The following MAF variants were observed in gnomAD, a reference collection of about 807,000 sequenced individuals.
MAF encodes transcription factor Maf.
MAF carries 10 observed loss-of-function variants against 22.0 expected under a neutral mutation model. The observed-to-expected ratio is 0.45, with a 90% confidence interval of 0.28 to 0.77. MAF has a LOEUF of 0.77. MAF is among the 30% of genes least tolerant of loss of function. MAF has a pLI of 0.12. For synonymous variants in MAF, 337 were observed against 255.8 expected, an observed-to-expected ratio of 1.32 and a Z score of -3.03; for missense variants, 544 against 548.4, an observed-to-expected ratio of 0.99 and a Z score of 0.08.
At chr16:79,361,180 T>C in the MAF span, among the ~76,000 whole-genome samples, 1 of 152,186 alleles carries the variant, frequency 6.6e-6, no homozygotes, top group African/African-American at 2.4e-5. Flanking sequence ...ACTTTTCTGG[T>C]GGAGTTGACA....
chr16:79,267,568 C>A, the MAF span, among the ~76,000 whole-genome samples: 1 of 152,158 alleles, frequency 6.6e-6, no homozygotes, highest in African/African-American at 2.4e-5. Flanking sequence ...TGGCTCACGG[C>A]CAATCAGCTG....
the MAF span, among the ~76,000 whole-genome samples, chr16:79,311,276 C>G: frequency 2.0e-5 from 3 of 152,068 alleles, no homozygotes; most frequent in Non-Finnish European, 4.4e-5. Context: ...TCTTTCCCCT[C>G]TAAACCAGCT....
the MAF span, among the ~76,000 whole-genome samples, chr16:79,283,230 A>G: frequency 1.3e-5 from 2 of 152,208 alleles, no homozygotes; most frequent in African/African-American, 2.4e-5. Context: ...TTTGTGTAAG[A>G]TAATAATTTT....
the MAF span, among the ~76,000 whole-genome samples, chr16:79,419,249 G>T: frequency 6.6e-6 from 1 of 152,146 alleles, no homozygotes; most frequent in African/African-American, 2.4e-5. Context: ...TCCCATAGAG[G>T]GAGGATTTGA....
the MAF span, among the ~76,000 whole-genome samples, chr16:79,345,352 G>A: frequency 6.6e-6 from 1 of 152,026 alleles, no homozygotes; most frequent in Middle Eastern, 3.2e-3. Flanking sequence ...AAAATACAAT[G>A]GCGATAAGAA....
At chr16:79,320,171 T>C in the MAF span, among the ~76,000 whole-genome samples, 152 of 152,256 alleles carry the variant, frequency 1.0e-3, 1 homozygote, top group Non-Finnish European at 1.4e-3. Flanking sequence ...TGGATTTTCT[T>C]TGGGTACAAT....
the MAF span, among the ~76,000 whole-genome samples, chr16:79,388,932 C>T: frequency 1.5e-4 from 23 of 152,236 alleles, 1 homozygote; most frequent in Middle Eastern, 3.4e-3. Context: ...TTCCAAGGGC[C>T]GTGATTGAGA....
At chr16:79,456,528 A>T in the MAF span, among the ~76,000 whole-genome samples, 1 of 152,204 alleles carries the variant, frequency 6.6e-6, no homozygotes, top group East Asian at 1.9e-4. Flanking sequence ...TGGTTTGCTG[A>T]ATGAGCATAG....
the MAF span, among the ~76,000 whole-genome samples, chr16:79,221,178 G>C: frequency 2.6e-5 from 4 of 152,200 alleles, no homozygotes; most frequent in African/African-American, 9.6e-5. Context: ...GGTTTGCTAA[G>C]ACAGAGCTTG....
At chr16:79,385,813 A>G in the MAF span, among the ~76,000 whole-genome samples, 2 of 152,208 alleles carry the variant, frequency 1.3e-5, no homozygotes, top group African/African-American at 4.8e-5. Flanking sequence ...AGGCAGGAGA[A>G]TTACTTGAAC....
chr16:79,451,366 G>A, the MAF span, among the ~76,000 whole-genome samples: 3 of 152,128 alleles, frequency 2.0e-5, no homozygotes, highest in African/African-American at 7.2e-5. Flanking sequence ...ACAGCAGAGG[G>A]CTATACAAAG....
the MAF span, among the ~76,000 whole-genome samples, chr16:79,323,136 G>C: frequency 4.6e-5 from 5 of 107,654 alleles, no homozygotes; most frequent in African/African-American, 1.8e-4. Context: ...GTGACAGCGC[G>C]AGACTCCATC....
At chr16:79,223,611 A>G in the MAF span, among the ~76,000 whole-genome samples, 26 of 152,204 alleles carry the variant, frequency 1.7e-4, no homozygotes, top group Non-Finnish European at 3.2e-4. Flanking sequence ...ATACACCACT[A>G]GCCAGATTAA....
chr16:79,389,904 A>G, the MAF span, among the ~76,000 whole-genome samples: 4 of 126,482 alleles, frequency 3.2e-5, no homozygotes, highest in Admixed American at 1.0e-4. Flanking sequence ...TGAACCTGGG[A>G]GGCGGAGGTT....
At chr16:79,592,856 A>T (rs1434706978), downstream of MAF, among the ~76,000 whole-genome samples, 4 of 152,234 alleles carry the variant, frequency 2.6e-5, no homozygotes, top group Non-Finnish European at 4.4e-5. Context: ...TCAAAAATCA[A>T]ATGACAGTGA....
the MAF span, among the ~76,000 whole-genome samples, chr16:79,469,962 A>G: frequency 2.6e-5 from 4 of 152,238 alleles, no homozygotes; most frequent in Admixed American, 2.0e-4. Flanking sequence ...TTTTACAGAC[A>G]TAAGTTATCT....
chr16:79,301,805 A>G, the MAF span, among the ~76,000 whole-genome samples: 20 of 152,334 alleles, frequency 1.3e-4, no homozygotes, highest in East Asian at 3.5e-3. Flanking sequence ...TATAGGCTTT[A>G]CACACTTGCT....
At chr16:79,450,836 C>A in the MAF span, among the ~76,000 whole-genome samples, 7 of 151,064 alleles carry the variant, frequency 4.6e-5, no homozygotes, top group Non-Finnish European at 8.8e-5. Flanking sequence ...AACATTTTTA[C>A]ATTTTTTTTT....
At chr16:79,266,539 C>T in the MAF span, among the ~76,000 whole-genome samples, 1 of 152,152 alleles carries the variant, frequency 6.6e-6, no homozygotes, top group Non-Finnish European at 1.5e-5. Flanking sequence ...GTATGGAACA[C>T]TTGGACTGGG....
Sources: allele counts gnomAD v4.1 joint callset (sites outside exome capture counted in the v4.1 genomes callset), GRCh38; gene constraint gnomAD v4.1.1; transcripts MANE v1.5; gene names NCBI Gene and HGNC (gene_info 2026-07-23, HGNC 2026-07-21).